The following KSR2 variants were observed in gnomAD, a reference collection of about 807,000 sequenced individuals.
KSR2 encodes the protein kinase suppressor of ras 2.
Under a neutral mutation model 107.8 loss-of-function variants are expected in KSR2, and 25 were observed. The ratio of observed to expected loss-of-function variants is 0.23; its 90% CI spans 0.17 to 0.32. The LOEUF (loss-of-function observed/expected upper bound fraction) is 0.32, where lower values mean the gene tolerates loss of function less well. Ranked by LOEUF, KSR2 falls within the 10% of genes least tolerant of loss-of-function variation. The probability of loss-of-function intolerance (pLI) is 1.00; values close to 1 mark genes in which losing one functional copy is unlikely to be tolerated. For missense variants in KSR2, 887 were observed against 1,268.9 expected, an observed-to-expected ratio of 0.70 and a Z score of 4.57; for synonymous variants, 480 against 507.0, an observed-to-expected ratio of 0.95 and a Z score of 0.71.
At chr12:117,899,877 T>C (rs887004031) in intron 1 of KSR2, among the ~76,000 whole-genome samples, 1 of 152,192 alleles carries the variant, frequency 6.6e-6, no homozygotes, top group African/African-American at 2.4e-5. Flanking sequence ...AACGAGCAAC[T>C]TGAGAAGACT....
rs1889861275 is a variant in KSR2, at chr12:117,780,895, T to C, written c.473-19371A>G. ...CACAATGTCATAAAGGTTGTTGCAA[T>C]GTAACCCAGAGCTGAGGGTTACGGA... On this transcript the variant is annotated intron_variant, in intron 3 of 19. Coordinates refer to ENST00000339824, the MANE Select transcript of KSR2 (RefSeq NM_173598.6). Among the ~76,000 whole-genome samples the C allele has an allele frequency of 4.6e-5, 7 of 152,322 alleles. No individual in the cohort carries two copies. In the South Asian group the frequency reaches 1.5e-3, roughly 32 times the overall value.
chr12:117,651,733 A>G (rs1470023363), intron 5 of KSR2, among the ~76,000 whole-genome samples: 1 of 152,222 alleles, frequency 6.6e-6, no homozygotes, highest in Admixed American at 6.5e-5. Flanking sequence ...GGAGTAGATT[A>G]GTCACTTTAG....
At chr12:117,614,535 T>C (rs1881770387) in intron 5 of KSR2, among the ~76,000 whole-genome samples, 1 of 152,200 alleles carries the variant, frequency 6.6e-6, no homozygotes, top group Non-Finnish European at 1.5e-5. Flanking sequence ...CATTAGCTGA[T>C]AAAATGTGAA....
chr12:117,832,187 G>A (rs1179773294), intron 3 of KSR2, among the ~76,000 whole-genome samples: 1 of 152,186 alleles, frequency 6.6e-6, no homozygotes, highest in Non-Finnish European at 1.5e-5. Flanking sequence ...GGGAGGGTGA[G>A]GCAGGAGAAT....
intron 7 of KSR2, among the ~76,000 whole-genome samples, chr12:117,574,672 A>T (rs1264377197): frequency 6.6e-6 from 1 of 152,118 alleles, no homozygotes; most frequent in Non-Finnish European, 1.5e-5. Context: ...TCAAGATGAG[A>T]TTTGGGTGGG....
Position 117,539,714 on chromosome 12 carries a change from G to A in KSR2, c.1687+5C>T. 6.3e-7 allele frequency: 1 copy of A among 1,597,224 alleles called. No homozygotes were observed. Among genetic ancestry groups the A allele is most frequent in the Non-Finnish European group, 8.5e-7 (1 of 1,173,118 alleles). On this transcript the variant is annotated splice_donor_5th_base_variant and intron_variant, in intron 10 of 19. Coordinates refer to ENST00000339824, the MANE Select transcript of KSR2 (RefSeq NM_173598.6). ...CCCCTCATGTCTCCCCAAGCATGGA[G>A]GTACCTGGCAGGTTGAAGTTCTTCT...
At chr12:117,963,339 G>A (rs1463155565) in intron 1 of KSR2, among the ~76,000 whole-genome samples, 1 of 152,144 alleles carries the variant, frequency 6.6e-6, no homozygotes, top group Non-Finnish European at 1.5e-5. Flanking sequence ...GAAAAAGTTT[G>A]CCAGCCCCTG....
At chr12:117,751,994 G>T (rs748448862) in intron 4 of KSR2, among the ~76,000 whole-genome samples, 2 of 152,192 alleles carry the variant, frequency 1.3e-5, no homozygotes, top group Non-Finnish European at 2.9e-5. Flanking sequence ...ACAATGATTT[G>T]TAGGTGTGTG....
chr12:117,811,596 G>A (rs1891191837), intron 3 of KSR2, among the ~76,000 whole-genome samples: 1 of 152,162 alleles, frequency 6.6e-6, no homozygotes, highest in Non-Finnish European at 1.5e-5. Context: ...ACCTCTCTCT[G>A]CCTCCACTTC....
chr12:117,603,041 C>T (rs180931624), intron 5 of KSR2, among the ~76,000 whole-genome samples: 5 of 152,288 alleles, frequency 3.3e-5, no homozygotes, highest in African/African-American at 1.2e-4. Flanking sequence ...ATTATGTGGC[C>T]TCTTTTCCAT....
At chr12:117,967,085 G>A (rs1156488825) in intron 1 of KSR2, among the ~76,000 whole-genome samples, 3 of 152,180 alleles carry the variant, frequency 2.0e-5, no homozygotes, top group Admixed American at 6.5e-5. Context: ...GAACAATGCA[G>A]ATGTCCAGTG....
intron 1 of KSR2, among the ~76,000 whole-genome samples, chr12:117,868,422 CAA>C (rs200898458): frequency 2.4e-5 from 3 of 125,828 alleles, no homozygotes; most frequent in Admixed American, 8.0e-5. Flanking sequence ...GACTCTGTCT[CAA>C]AAAAAAAAAA....
chr12:117,495,647 T>G (rs565195877), intron 14 of KSR2, among the ~76,000 whole-genome samples: 1 of 152,306 alleles, frequency 6.6e-6, no homozygotes, highest in East Asian at 1.9e-4. Context: ...CCTCCCCTCC[T>G]TCAGCCTTTG....
chr12:117,956,328 G>A (rs1470071427), intron 1 of KSR2, among the ~76,000 whole-genome samples: 1 of 151,378 alleles, frequency 6.6e-6, no homozygotes, highest in Admixed American at 6.6e-5. Flanking sequence ...AGAACTTTGG[G>A]AGGCCAAGGC....
intron 5 of KSR2, among the ~76,000 whole-genome samples, chr12:117,652,915 C>T (rs1883963616): frequency 6.6e-6 from 1 of 152,222 alleles, no homozygotes; most frequent in Non-Finnish European, 1.5e-5. Flanking sequence ...TTGGCATAGA[C>T]ATACTCAGCA....
In KSR2 at chr12:117,460,752, T is replaced by C. The variant is rs1870850909; in HGVS notation, c.*6447A>G. Reference sequence around the variant, plus strand: ...AATGGATGAGCCCAAAGACTCGTTTTTAAAATGCTGGGTCTGCAATTTGGA... The same window carrying C: ...AATGGATGAGCCCAAAGACTCGTTTCTAAAATGCTGGGTCTGCAATTTGGA... On this transcript the variant is annotated 3_prime_UTR_variant, in exon 20 of 20. Transcript: ENST00000339824. The C allele has an allele frequency of 6.6e-6, 1 of 152,240 alleles. No individual in the cohort carries two copies. Among genetic ancestry groups the C allele is most frequent in the Admixed American group, 6.6e-5 (1 of 15,266 alleles). The allele number at this position is 152,240 out of a possible 1,614,324, so 9.4% of individuals were successfully genotyped here.
intron 4 of KSR2, among the ~76,000 whole-genome samples, chr12:117,739,212 G>A (rs369712136): frequency 9.9e-5 from 15 of 152,130 alleles, no homozygotes; most frequent in Admixed American, 5.2e-4. Flanking sequence ...AAAATTAGCC[G>A]GGCGTGGTAG....
chr12:117,653,951 TC>T (rs941303861), intron 5 of KSR2, among the ~76,000 whole-genome samples: 3 of 152,210 alleles, frequency 2.0e-5, no homozygotes, highest in Non-Finnish European at 2.9e-5. Context: ...AAGGTGTCAG[TC>T]GCCGACAGGG....
Position 117,881,094 on chromosome 12 carries a change from G to C in KSR2, c.181-20663C>G, listed in dbSNP as rs556504995. On this transcript the variant is annotated intron_variant, in intron 1 of 19. Transcript: ENST00000339824. ...TCTCAAGGGCCGGGGCCTTGTTTTT[G>C]TCATCTTTGCATCCTCCCAACAATG... Among the ~76,000 whole-genome samples the C allele has an allele frequency of 5.9e-5, 9 of 151,950 alleles. No individual in the cohort carries two copies. In the South Asian group the frequency reaches 1.5e-3, roughly 25 times the overall value.
Sources: allele counts gnomAD v4.1 joint callset (sites outside exome capture counted in the v4.1 genomes callset), GRCh38; gene constraint gnomAD v4.1.1; transcripts MANE v1.5; gene names NCBI Gene and HGNC (gene_info 2026-07-23, HGNC 2026-07-21).